GRIK3: variants seen among roughly 807,000 people sequenced by gnomAD.
GRIK3 encodes glutamate ionotropic receptor kainate type subunit 3, also known as glutamate receptor ionotropic, kainate 3.
Under a neutral mutation model 102.5 loss-of-function variants are expected in GRIK3, and 29 were observed. The ratio of observed to expected loss-of-function variants is 0.28; its 90% CI spans 0.21 to 0.39. The LOEUF (loss-of-function observed/expected upper bound fraction) is 0.39. GRIK3 is among the 10% of genes least tolerant of loss of function. The pLI is 1.00. For missense variants in GRIK3, 908 were observed against 1,252.4 expected (o/e 0.73, Z 4.15); for synonymous variants, 511 against 504.9 (o/e 1.01, Z -0.16).
At chr1:36,976,609 C>T (rs1439632852) in intron 1 of GRIK3, among the ~76,000 whole-genome samples, 1 of 152,156 alleles carries the variant, frequency 6.6e-6, no homozygotes, top group South Asian at 2.1e-4. Flanking sequence ...GATTGGGACC[C>T]AGGAGGTATG....
At chr1:36,936,691 C>A (rs528923758) in intron 1 of GRIK3, among the ~76,000 whole-genome samples, 2 of 152,130 alleles carry the variant, frequency 1.3e-5, no homozygotes, top group Non-Finnish European at 2.9e-5. Context: ...TCTCCTCCCA[C>A]GGGGATGTAA....
intron 1 of GRIK3, among the ~76,000 whole-genome samples, chr1:36,923,568 C>T (rs1479451370): frequency 1.3e-5 from 2 of 152,186 alleles, no homozygotes; most frequent in African/African-American, 2.4e-5. Context: ...GAATGCTGGC[C>T]CTAGCTCTAT....
At chr1:36,907,751 AG>A (rs1326817519) in intron 1 of GRIK3, among the ~76,000 whole-genome samples, 1 of 152,094 alleles carries the variant, frequency 6.6e-6, no homozygotes, top group Non-Finnish European at 1.5e-5. Flanking sequence ...TGTAAGGGCT[AG>A]GTGGCTGCAA....
chr1:36,938,082 A>C (rs1426589769), intron 1 of GRIK3, among the ~76,000 whole-genome samples: 1 of 152,248 alleles, frequency 6.6e-6, no homozygotes, highest in Admixed American at 6.5e-5. Context: ...GCACTCATGG[A>C]CTGGTAAGAG....
intron 1 of GRIK3, among the ~76,000 whole-genome samples, chr1:37,011,640 G>A (rs1200219644): frequency 6.6e-6 from 1 of 152,162 alleles, no homozygotes; most frequent in Non-Finnish European, 1.5e-5. Flanking sequence ...GAAGTCTAAG[G>A]GGGTAAAAGT....
intron 15 of GRIK3, 132 bp downstream of exon 15, chr1:36,804,855 G>T: frequency 8.3e-7 from 1 of 1,198,692 alleles, no homozygotes; most frequent in Non-Finnish European, 1.2e-6. Context: ...AGGGCTTGCT[G>T]GCCGACTGGA....
At position 36,979,155 on chromosome 1, in the gene GRIK3, C is replaced by T. The variant is rs72923862; in HGVS notation, c.115+54839G>A. Among the ~76,000 whole-genome samples the T allele has an allele frequency of 9.3e-3, 1,411 of 152,296 alleles. 16 individuals are homozygous for T. The highest frequency in any genetic ancestry group is 0.032 in the African/African-American group (1,320 of 41,552). ...GAATTGCCCCTCTAGGTATGGTATCCACCTCCAATTTAATAGACCAGTCAT... is the reference window on the plus strand; with the variant it reads ...GAATTGCCCCTCTAGGTATGGTATCTACCTCCAATTTAATAGACCAGTCAT... On this transcript the variant is annotated intron_variant, in intron 1 of 15. Transcript: ENST00000373091.
intron 1 of GRIK3, among the ~76,000 whole-genome samples, chr1:36,967,544 G>A (rs1642093472): frequency 6.6e-6 from 1 of 152,244 alleles, no homozygotes; most frequent in Admixed American, 6.5e-5. Flanking sequence ...CTGGAAAGGA[G>A]GAGGTAGGTG....
At chr1:36,986,390 T>A (rs1232937822) in intron 1 of GRIK3, among the ~76,000 whole-genome samples, 1 of 150,500 alleles carries the variant, frequency 6.6e-6, no homozygotes, top group African/African-American at 2.5e-5. Flanking sequence ...CATCCATCCA[T>A]CCATCCATCC....
At chr1:36,874,307 C>T (rs545724193) in intron 3 of GRIK3, among the ~76,000 whole-genome samples, 67 of 152,290 alleles carry the variant, frequency 4.4e-4, no homozygotes, top group African/African-American at 1.6e-3. Context: ...CACTTTGCTT[C>T]GGGGACAGAC....
intron 1 of GRIK3, among the ~76,000 whole-genome samples, chr1:36,903,146 C>A (rs1641249759): frequency 6.6e-6 from 1 of 152,122 alleles, no homozygotes; most frequent in Non-Finnish European, 1.5e-5. Context: ...AATAAGAAAA[C>A]AAACAACCTT....
intron 1 of GRIK3, among the ~76,000 whole-genome samples, chr1:36,962,968 T>C (rs1642031961): frequency 7.0e-6 from 1 of 141,998 alleles, no homozygotes; most frequent in Admixed American, 7.0e-5. Flanking sequence ...CTGGGGTGGG[T>C]AGAGGTGGCC....
Position 36,912,754 on chromosome 1 carries a change from A to C in GRIK3, c.116-21658T>G, listed in dbSNP as rs200871814. 3.0e-4 allele frequency among the ~76,000 whole-genome samples: 46 copies of C among 152,176 alleles called. No homozygotes were observed. The East Asian group carries it at 4.8e-3, about 16-fold the overall frequency. ...TAGAGGGTGAGGACACGCCTTTGTC[A>C]TCCTGGCATCTCCTTCCCTCCCCCA... On this transcript the variant is annotated intron_variant, in intron 1 of 15. Transcript: ENST00000373091.
At chr1:36,887,597 A>T (rs564075734) in intron 2 of GRIK3, among the ~76,000 whole-genome samples, 23 of 152,076 alleles carry the variant, frequency 1.5e-4, no homozygotes, top group African/African-American at 5.3e-4. Context: ...TGTACTAAAA[A>T]TACAAAGAAT....
At chr1:36,893,551 C>T (rs558174253) in intron 1 of GRIK3, among the ~76,000 whole-genome samples, 8 of 152,180 alleles carry the variant, frequency 5.3e-5, no homozygotes, top group East Asian at 3.9e-4. Context: ...AGCTTTGGTG[C>T]GGGAATAGTT....
chr1:36,822,554 C>G (rs557329963), intron 11 of GRIK3, among the ~76,000 whole-genome samples: 15 of 152,180 alleles, frequency 9.9e-5, no homozygotes, highest in Non-Finnish European at 1.3e-4. Context: ...TTGTAGCTTG[C>G]GGTTGCAAGG....
chr1:37,023,323 T>G (rs1430568460), intron 1 of GRIK3, among the ~76,000 whole-genome samples: 1 of 131,848 alleles, frequency 7.6e-6, no homozygotes, highest in African/African-American at 3.3e-5. Context: ...TGAGACTCTA[T>G]CTCAAAAAAA....
chr1:37,021,953 A>T (rs1326499623), intron 1 of GRIK3, among the ~76,000 whole-genome samples: 1 of 152,222 alleles, frequency 6.6e-6, no homozygotes, highest in African/African-American at 2.4e-5. Flanking sequence ...GTTGAGCCCC[A>T]GTTTGAGAAG....
At chr1:36,963,712 C>G (rs970027120) in intron 1 of GRIK3, among the ~76,000 whole-genome samples, 2 of 152,174 alleles carry the variant, frequency 1.3e-5, no homozygotes, top group Non-Finnish European at 2.9e-5. Context: ...AGTTCCCCAC[C>G]TCTGAAGGCC....
Sources: allele counts gnomAD v4.1 joint callset (sites outside exome capture counted in the v4.1 genomes callset), GRCh38; gene constraint gnomAD v4.1.1; transcripts MANE v1.5; gene names NCBI Gene and HGNC (gene_info 2026-07-23, HGNC 2026-07-21).